ZNF600: variants seen among roughly 807,000 people sequenced by gnomAD.
ZNF600 encodes the protein zinc finger protein 600.
Under a neutral mutation model 7.3 loss-of-function variants are expected in ZNF600, and 4 were observed. That is an observed-to-expected ratio of 0.55 (90% CI 0.27 to 1.25). ZNF600 has a LOEUF of 1.25. ZNF600 is among the 50% of genes most tolerant of loss of function. ZNF600 has a pLI of 0.12. For missense variants in ZNF600, 911 were observed against 922.1 expected (o/e 0.99, Z 0.16); for synonymous variants, 290 against 308.9 (o/e 0.94, Z 0.64).
At chr19:52,831,614 T>A in the ZNF600 span, among the ~76,000 whole-genome samples, 3 of 152,060 alleles carry the variant, frequency 2.0e-5, no homozygotes, top group African/African-American at 4.8e-5. Flanking sequence ...GCCACTCTCC[T>A]GCCTCAGCCT....
chr19:52,772,976 C>A (rs1172366363), intron 3 of ZNF600, among the ~76,000 whole-genome samples: 1 of 152,190 alleles, frequency 6.6e-6, no homozygotes, highest in African/African-American at 2.4e-5. Context: ...TTTAAGCGGC[C>A]TCCTATAATT....
chr19:52,765,753 C>T (rs1470691851), exon 4 of ZNF600: 1 of 1,613,834 alleles, frequency 6.2e-7, no homozygotes. Context: ...ACAAACCTTA[C>T]ATTTGTATGG....
At chr19:52,833,224 A>G in the ZNF600 span, among the ~76,000 whole-genome samples, 1 of 152,182 alleles carries the variant, frequency 6.6e-6, no homozygotes, top group South Asian at 2.1e-4. Flanking sequence ...GTCCACGAAG[A>G]GCTGACATCC....
At chr19:52,811,266 C>T in the ZNF600 span, among the ~76,000 whole-genome samples, 3 of 151,706 alleles carry the variant, frequency 2.0e-5, no homozygotes, top group African/African-American at 7.3e-5. Flanking sequence ...CAGCCGCCTG[C>T]CTTGGCCTCC....
At chr19:52,798,996 C>T in the ZNF600 span, 1 of 941,980 alleles carries the variant, frequency 1.1e-6, no homozygotes, top group Non-Finnish European at 1.6e-6. Context: ...CTCCCAAAAG[C>T]CTTGTTACAA....
At chr19:52,787,855 G>A (rs1270818589), upstream of ZNF600, among the ~76,000 whole-genome samples, 1 of 107,602 alleles carries the variant, frequency 9.3e-6, no homozygotes, top group African/African-American at 3.6e-5. Context: ...GCGAGGCTAC[G>A]TCTCAAAAAA....
At chr19:52,767,746 C>T in exon 4 of ZNF600, 1 of 1,582,144 alleles carries the variant, frequency 6.3e-7, no homozygotes. Context: ...GACAAGACCT[C>T]CTTCATCATG....
At chr19:52,809,840 T>C in the ZNF600 span, 608 of 422,052 alleles carry the variant, frequency 1.4e-3, 3 homozygotes, top group Non-Finnish European at 2.1e-3. Context: ...GCGGCGGCGG[T>C]GGCGGTGGTG....
chr19:52,822,935 A>G, the ZNF600 span, among the ~76,000 whole-genome samples: 2 of 152,144 alleles, frequency 1.3e-5, no homozygotes, highest in Non-Finnish European at 2.9e-5. Context: ...GTCAACTCCA[A>G]ATGAAGGGGG....
the ZNF600 span, among the ~76,000 whole-genome samples, chr19:52,827,527 G>A: frequency 1.3e-5 from 2 of 151,750 alleles, no homozygotes; most frequent in Non-Finnish European, 2.9e-5. Flanking sequence ...CCAAGACCAT[G>A]CCCAGTGCAG....
chr19:52,829,172 A>AT, the ZNF600 span, among the ~76,000 whole-genome samples: 1 of 145,888 alleles, frequency 6.9e-6, no homozygotes, highest in Admixed American at 6.8e-5. Flanking sequence ...CCTTATTTTT[A>AT]TTTTTTTCTT....
chr19:52,773,080 A>G (rs58217959), intron 3 of ZNF600, among the ~76,000 whole-genome samples: 4,906 of 151,888 alleles, frequency 0.032, 159 homozygotes, highest in African/African-American at 0.11. Context: ...CACTATTACA[A>G]AGTCAATAGG....
At chr19:52,817,827 G>A in the ZNF600 span, 1 of 1,564,452 alleles carries the variant, frequency 6.4e-7, no homozygotes, top group Non-Finnish European at 8.7e-7. Flanking sequence ...AGGCATGGGT[G>A]AGGGTGAGCA....
chr19:52,816,918 GTACTCTCCAA>G, the ZNF600 span, among the ~76,000 whole-genome samples: 14 of 150,914 alleles, frequency 9.3e-5, no homozygotes, highest in Non-Finnish European at 1.8e-4. Flanking sequence ...TAAAAAAGCA[GTACTCTCCAA>G]TATTAGAGAA....
chr19:52,785,016 C>T (rs111412494), intron 1 of ZNF600, among the ~76,000 whole-genome samples: 4 of 152,288 alleles, frequency 2.6e-5, no homozygotes, highest in African/African-American at 9.6e-5. Context: ...AGATTACAGG[C>T]ATGAGCCACT....
chr19:52,811,734 G>A, the ZNF600 span, among the ~76,000 whole-genome samples: 91 of 149,514 alleles, frequency 6.1e-4, no homozygotes, highest in Admixed American at 3.6e-3. Flanking sequence ...GTCTCCGCCC[G>A]GCAGCCGCCC....
chr19:52,813,421 C>CTGGGTTGAGACAGAGAATCGCTTCAA, the ZNF600 span, among the ~76,000 whole-genome samples: 150 of 148,242 alleles, frequency 1.0e-3, no homozygotes, highest in African/African-American at 2.2e-3. Context: ...GCAAGCTGCT[C>CTGGGTTGAGACAGAGAATCGCTTCAA]CCCGTGTTTC....
At chr19:52,801,790 C>T in the ZNF600 span, 85 of 1,284,800 alleles carry the variant, frequency 6.6e-5, no homozygotes, top group African/African-American at 9.4e-4. Flanking sequence ...AAAAACAATA[C>T]TTATTTTAAA....
the ZNF600 span, among the ~76,000 whole-genome samples, chr19:52,832,944 G>C: frequency 6.6e-6 from 1 of 151,928 alleles, no homozygotes; most frequent in African/African-American, 2.4e-5. Context: ...GCTAATTTTT[G>C]TATTTTTATT....
Sources: gnomAD v4.1 joint callset for allele counts (sites outside exome capture counted in the v4.1 genomes callset) on GRCh38, gnomAD v4.1.1 for gene constraint, MANE v1.5 for transcripts, NCBI Gene and HGNC (gene_info 2026-07-23, HGNC 2026-07-21) for gene names.